ARIH2: variants seen among roughly 807,000 people sequenced by gnomAD.
The protein encoded by ARIH2 is ariadne RBR E3 ubiquitin protein ligase 2, also known as E3 ubiquitin-protein ligase ARIH2.
Under a neutral mutation model 79.8 loss-of-function variants are expected in ARIH2, and 12 were observed. The ratio of observed to expected loss-of-function variants is 0.15; its 90% CI spans 0.10 to 0.24. The LOEUF (loss-of-function observed/expected upper bound fraction) is 0.24, where lower values mean the gene tolerates loss of function less well. ARIH2 is among the 10% of genes least tolerant of loss of function. The pLI, the probability that ARIH2 is intolerant of heterozygous loss-of-function variation, is 1.00. For synonymous variants in ARIH2, 224 were observed against 213.9 expected, an observed-to-expected ratio of 1.05 and a Z score of -0.41; for missense variants, 301 against 618.3, an observed-to-expected ratio of 0.49 and a Z score of 5.44.
chr3:48,918,880 G>A lies in ARIH2; in HGVS notation c.-280G>A, dbSNP rs746383210. 6.2e-7 allele frequency: 1 copy of A among 1,607,884 alleles called. No homozygotes were observed. The highest frequency in any genetic ancestry group is 8.5e-7 in the Non-Finnish European group (1 of 1,178,976). ...CGACTCTTCTGGAGGAAGCAGCGCG[G>A]GCTTGACCGGCGTCGGCCCGCCGCC... is the stretch of plus-strand genomic sequence containing the variant. On this transcript the variant is annotated 5_prime_UTR_variant, in exon 1 of 16. Transcript: ENST00000356401.
At chr3:48,957,709 G>A (rs2090756031) in intron 3 of ARIH2, among the ~76,000 whole-genome samples, 1 of 151,886 alleles carries the variant, frequency 6.6e-6, no homozygotes, top group African/African-American at 2.4e-5. Flanking sequence ...GTTTTTGTTT[G>A]TTTGTTTGTT....
intron 3 of ARIH2, among the ~76,000 whole-genome samples, chr3:48,947,351 G>A (rs767535054): frequency 6.7e-6 from 1 of 149,176 alleles, no homozygotes; most frequent in African/African-American, 2.5e-5. Context: ...TGAGGCAGGA[G>A]AATCGCTTGA....
rs975583145 is a variant in ARIH2, at chr3:48,959,964, C to T, written c.256-1648C>T. ...TTCACTGTGTGTCTTCCCTCTGCTG[C>T]AGTTCTTATCTGTGGACCAGGCACA... is the stretch of plus-strand genomic sequence containing the variant. On this transcript the variant is annotated intron_variant, in intron 3 of 15. Coordinates refer to ENST00000356401, the MANE Select transcript of ARIH2 (RefSeq NM_006321.4). Among the ~76,000 whole-genome samples the T allele has an allele frequency of 6.6e-5, 10 of 152,346 alleles. No homozygotes were observed. The South Asian group carries it at 2.1e-3, about 32-fold the overall frequency.
intron 3 of ARIH2, among the ~76,000 whole-genome samples, chr3:48,928,641 C>CA (rs774817180): frequency 3.9e-5 from 6 of 151,996 alleles, no homozygotes; most frequent in Admixed American, 6.6e-5. Flanking sequence ...TGATGTCAAC[C>CA]AAATAAATTT....
chr3:48,957,361 C>T (rs2090714715), intron 3 of ARIH2, among the ~76,000 whole-genome samples: 2 of 152,336 alleles, frequency 1.3e-5, no homozygotes, highest in South Asian at 2.1e-4. Flanking sequence ...AAATCCACAG[C>T]TTAAAGACAT....
chr3:48,944,993 T>C (rs2088915087), intron 3 of ARIH2: 1 of 563,596 alleles, frequency 1.8e-6, no homozygotes, highest in Admixed American at 2.6e-5. Context: ...GAGTGACCAC[T>C]AGTGTTTGTT....
chr3:48,959,084 A>G (rs1034860780), intron 3 of ARIH2, among the ~76,000 whole-genome samples: 3 of 152,106 alleles, frequency 2.0e-5, no homozygotes, highest in Admixed American at 6.6e-5. Context: ...TGGGAGGCCA[A>G]GGCGGGTGGA....
At position 48,979,346 on chromosome 3, in the gene ARIH2, G is replaced by A. The variant is rs930753876; in HGVS notation, c.962-136G>A. 5.0e-5 allele frequency: 42 copies of A among 834,688 alleles called. 1 individual carries two copies. Among genetic ancestry groups the A allele is most frequent in the South Asian group, 4.0e-4 (22 of 54,378 alleles). 51.7% of individuals were successfully genotyped at this position (834,688 alleles called of 1,614,324 possible). A position where few individuals can be genotyped will look rare whatever the true frequency, so the allele number is the denominator to read the frequency against. On this transcript the variant is annotated intron_variant, in intron 11 of 15. Coordinates refer to ENST00000356401, the MANE Select transcript of ARIH2 (RefSeq NM_006321.4). ...AGGGATGAGAGGTGCACATTCCTTC[G>A]GGAAAGAGGCACCCTTGGGAAGTTG...
At chr3:48,952,335 C>T (rs1037911244) in intron 3 of ARIH2, among the ~76,000 whole-genome samples, 24 of 152,048 alleles carry the variant, frequency 1.6e-4, no homozygotes, top group African/African-American at 5.8e-4. Context: ...GGTGATGGGT[C>T]CTGAAGACTC....
At chr3:48,977,414 T>C (rs2092568275) in intron 11 of ARIH2, among the ~76,000 whole-genome samples, 1 of 151,754 alleles carries the variant, frequency 6.6e-6, no homozygotes, top group Non-Finnish European at 1.5e-5. Flanking sequence ...CAAGCAATTA[T>C]CCTTGCTCGG....
At chr3:48,965,240 G>T (rs2091668373) in intron 5 of ARIH2, among the ~76,000 whole-genome samples, 1 of 151,836 alleles carries the variant, frequency 6.6e-6, no homozygotes. Context: ...GGCACCTGTA[G>T]TCCCAGCTAC....
At chr3:48,967,045 T>C (rs1482392930) in intron 5 of ARIH2, 80 bp from the exon 6 acceptor site, 5 of 1,461,852 alleles carry the variant, frequency 3.4e-6, no homozygotes, top group Non-Finnish European at 4.7e-6. Flanking sequence ...TCACTTTCCA[T>C]GCACCCGGCT....
intron 3 of ARIH2, among the ~76,000 whole-genome samples, chr3:48,936,418 TA>T (rs2087127663): frequency 6.6e-6 from 1 of 152,344 alleles, no homozygotes; most frequent in Non-Finnish European, 1.5e-5. Context: ...TAAACTTTTA[TA>T]AAGTTTAAAT....
intron 13 of ARIH2, 95 bp downstream of exon 13, chr3:48,980,591 T>C: frequency 1.4e-6 from 2 of 1,408,046 alleles, no homozygotes; most frequent in Non-Finnish European, 1.9e-6. Context: ...AAAGAGGGTA[T>C]TTTAGCACCC....
At chr3:48,924,936 T>G (rs1360883378) in intron 2 of ARIH2, 5 of 150,844 alleles carry the variant, frequency 3.3e-5, no homozygotes, top group African/African-American at 1.2e-4. Flanking sequence ...CCTCGTGATC[T>G]GCCTGCCTCG....
intron 3 of ARIH2, among the ~76,000 whole-genome samples, chr3:48,939,757 C>CAAA (rs1190260583): frequency 4.6e-5 from 2 of 43,498 alleles, no homozygotes; most frequent in African/African-American, 1.0e-4. Context: ...GACTCCATCT[C>CAAA]AAAAAAAAAA....
intron 3 of ARIH2, among the ~76,000 whole-genome samples, chr3:48,932,251 T>A (rs1021337548): frequency 6.6e-6 from 1 of 152,098 alleles, no homozygotes; most frequent in African/African-American, 2.4e-5. Context: ...AACAGAAGCA[T>A]TATTTGAGAA....
In ARIH2 at chr3:48,984,916, C is replaced by A. The variant is rs1286342697; in HGVS notation, c.*1646C>A. ...TTTCCTTCCTCAGGTTTTGTCTCTT[C>A]CTGTGTTGTCCCCAGCAAGGGAGAG... On this transcript the variant is annotated 3_prime_UTR_variant, in exon 16 of 16. Transcript: ENST00000356401. 3 of 152,158 alleles carry A rather than the reference C, an allele frequency of 2.0e-5. No homozygotes were observed. Among genetic ancestry groups the A allele is most frequent in the Non-Finnish European group, 2.9e-5 (2 of 68,082 alleles). 9.4% of individuals were successfully genotyped at this position (152,158 alleles called of 1,614,324 possible).
intron 11 of ARIH2, among the ~76,000 whole-genome samples, chr3:48,975,796 C>T (rs2092465370): frequency 6.6e-6 from 1 of 152,148 alleles, no homozygotes; most frequent in Non-Finnish European, 1.5e-5. Flanking sequence ...CTCCTGACCT[C>T]AGGTGATCTC....
Sources: gnomAD v4.1 joint callset for allele counts (sites outside exome capture counted in the v4.1 genomes callset) on GRCh38, gnomAD v4.1.1 for gene constraint, MANE v1.5 for transcripts, NCBI Gene and HGNC (gene_info 2026-07-23, HGNC 2026-07-21) for gene names.